The following TOX3 variants were observed in gnomAD, a reference collection of about 807,000 sequenced individuals.
TOX3 encodes the protein CAG trinucleotide repeat-containing gene F9 protein.
TOX3 carries 22 observed loss-of-function variants against 64.3 expected under a neutral mutation model. That is an observed-to-expected ratio of 0.34 (90% CI 0.24 to 0.49). The LOEUF (loss-of-function observed/expected upper bound fraction) is 0.49, where lower values mean the gene tolerates loss of function less well. TOX3 is among the 20% of genes least tolerant of loss of function. The pLI is 0.99. For missense variants in TOX3, 661 were observed against 714.4 expected (o/e 0.93, Z 0.85); for synonymous variants, 291 against 273.6 (o/e 1.06, Z -0.63).
At chr16:52,440,634 C>T (rs577076639) in intron 6 of TOX3, among the ~76,000 whole-genome samples, 109 of 152,222 alleles carry the variant, frequency 7.2e-4, no homozygotes, top group African/African-American at 2.6e-3. Flanking sequence ...TACAGGCTGC[C>T]TGAGTTCAAA....
At chr16:52,469,945 C>T (rs1015056318) in intron 1 of TOX3, among the ~76,000 whole-genome samples, 4 of 152,184 alleles carry the variant, frequency 2.6e-5, no homozygotes, top group African/African-American at 9.7e-5. Flanking sequence ...AGCCAACACA[C>T]CGAAATGCAC....
At chr16:52,537,878 TAA>T (rs57403617) in intron 1 of TOX3, among the ~76,000 whole-genome samples, 20,353 of 111,188 alleles carry the variant, frequency 0.18, 693 homozygotes, top group African/African-American at 0.22. Flanking sequence ...GCTGATATGA[TAA>T]AAAAAAAAAA....
In TOX3 at chr16:52,439,172, C is replaced by T. The variant is rs1596764435; in HGVS notation, c.*53G>A. On this transcript the variant is annotated 3_prime_UTR_variant, in exon 7 of 7. Coordinates refer to ENST00000219746, the MANE Select transcript of TOX3 (RefSeq NM_001080430.4). ...ACAGGTTTCAGCCACATATGCTTTT[C>T]CCTCCTATGCCACTCTCCTTGGTAT... 6.2e-7 allele frequency: 1 copy of T among 1,610,758 alleles called. No individual in the cohort carries two copies. Among genetic ancestry groups the T allele is most frequent in the East Asian group, 2.2e-5 (1 of 44,796 alleles).
chr16:52,546,844 C>A lies in TOX3; in HGVS notation c.-121G>T, dbSNP rs1963207633. On this transcript the variant is annotated 5_prime_UTR_variant, in exon 1 of 7. Transcript: ENST00000219746. ...CGGGGGTGGCGCGTGGGACTCGCGG[C>A]CGGAGGGGCGCCGGGACCCAGAGCC... 8.1e-7 allele frequency: 1 copy of A among 1,236,534 alleles called. No individual in the cohort carries two copies. The highest frequency in any genetic ancestry group is 3.1e-5 in the South Asian group (1 of 32,054). The allele number at this position is 1,236,534 out of a possible 1,614,324, so 76.6% of individuals were successfully genotyped here.
chr16:52,498,533 G>T (rs1436116288), intron 1 of TOX3, among the ~76,000 whole-genome samples: 1 of 152,050 alleles, frequency 6.6e-6, no homozygotes, highest in African/African-American at 2.4e-5. Context: ...TCTTCATTAG[G>T]CAGTCACTTG....
intron 1 of TOX3, among the ~76,000 whole-genome samples, chr16:52,496,216 G>A (rs1961846308): frequency 6.6e-6 from 1 of 152,148 alleles, no homozygotes; most frequent in Non-Finnish European, 1.5e-5. Context: ...GCAAACAAGA[G>A]CTTAACTTTA....
At chr16:52,441,336 T>C (rs1304806997) in intron 6 of TOX3, among the ~76,000 whole-genome samples, 1 of 152,208 alleles carries the variant, frequency 6.6e-6, no homozygotes, top group Non-Finnish European at 1.5e-5. Context: ...AATGTTTTAG[T>C]TCATCAACTA....
At chr16:52,525,713 A>G (rs1022318241) in intron 1 of TOX3, among the ~76,000 whole-genome samples, 2 of 152,278 alleles carry the variant, frequency 1.3e-5, no homozygotes, top group African/African-American at 4.8e-5. Flanking sequence ...ACACACGCAC[A>G]CCATTCCAAC....
intron 3 of TOX3, 133 bp from the exon 4 acceptor site, chr16:52,450,679 G>T (rs1960313064): frequency 1.8e-6 from 2 of 1,115,420 alleles, no homozygotes; most frequent in South Asian, 1.6e-5. Flanking sequence ...CAGGATGATG[G>T]TCTCCGTTCA....
intron 5 of TOX3, chr16:52,445,707 A>C: frequency 6.4e-6 from 2 of 311,312 alleles, no homozygotes; most frequent in South Asian, 1.2e-4. Flanking sequence ...ATTATTTAAA[A>C]TGAAAAGATT....
intron 1 of TOX3, among the ~76,000 whole-genome samples, chr16:52,491,800 G>A (rs1236368325): frequency 6.6e-6 from 1 of 152,184 alleles, no homozygotes; most frequent in Non-Finnish European, 1.5e-5. Flanking sequence ...TCCTTAGAGA[G>A]GGGAACTGAA....
intron 1 of TOX3, among the ~76,000 whole-genome samples, chr16:52,512,415 C>A (rs1183827149): frequency 6.6e-6 from 1 of 152,202 alleles, no homozygotes; most frequent in East Asian, 1.9e-4. Context: ...ATCCAACCAA[C>A]ATGAACCTCT....
rs1960296207 is a variant in TOX3 at position 52,450,342 on chromosome 16, T to C, written c.613A>G (p.Ser205Gly). Reference sequence around the variant, plus strand: ...GAAGGGGAGGGAGTGGCTGATTTGCTTGCTGGAGGTGAAGGAGATGTGTGA... The same window carrying C: ...GAAGGGGAGGGAGTGGCTGATTTGCCTGCTGGAGGTGAAGGAGATGTGTGA... ...MPHTSPSPPA[S>G]KSATPSPSSS... The change falls in exon 4 of 7, where the codon AGC becomes GGC. Residue 205 changes from serine (S) to glycine (G), a missense_variant. Around this residue, in one of 3 missense-constraint regions of TOX3, gnomAD observed 103 missense variants for 161.2 expected, o/e 0.64. Transcript: ENST00000219746. The C allele has an allele frequency of 1.9e-6, 3 of 1,613,868 alleles. No individual in the cohort carries two copies. Among genetic ancestry groups the C allele is most frequent in the Non-Finnish European group, 1.7e-6 (2 of 1,179,900 alleles).
At chr16:52,499,189 G>GA (rs1271405216) in intron 1 of TOX3, among the ~76,000 whole-genome samples, 13 of 152,166 alleles carry the variant, frequency 8.5e-5, no homozygotes, top group Non-Finnish European at 1.5e-4. Context: ...GATCACAGGG[G>GA]AAAAATTAGA....
chr16:52,459,932 G>T (rs1428503420), intron 3 of TOX3, among the ~76,000 whole-genome samples: 1 of 151,836 alleles, frequency 6.6e-6, no homozygotes, highest in African/African-American at 2.4e-5. Flanking sequence ...TCTAAAATAA[G>T]CCTGGTAATT....
intron 2 of TOX3, among the ~76,000 whole-genome samples, chr16:52,465,738 A>T (rs191570852): frequency 6.6e-6 from 1 of 152,070 alleles, no homozygotes; most frequent in Non-Finnish European, 1.5e-5. Flanking sequence ...GCAACAAAAA[A>T]CATTTCTTAC....
At chr16:52,503,033 G>A (rs1962046262) in intron 1 of TOX3, among the ~76,000 whole-genome samples, 1 of 152,184 alleles carries the variant, frequency 6.6e-6, no homozygotes, top group South Asian at 2.1e-4. Flanking sequence ...GAGTATGACT[G>A]TGTTCCAATA....
chr16:52,492,896 T>C (rs1961733976), intron 1 of TOX3, among the ~76,000 whole-genome samples: 1 of 134,708 alleles, frequency 7.4e-6, no homozygotes, highest in African/African-American at 2.7e-5. Flanking sequence ...AAAACCCAAC[T>C]GCAAAAAAAA....
At chr16:52,485,322 G>A (rs767348671) in intron 1 of TOX3, among the ~76,000 whole-genome samples, 6 of 149,108 alleles carry the variant, frequency 4.0e-5, no homozygotes, top group Non-Finnish European at 5.9e-5. Flanking sequence ...ATGAAATCAT[G>A]TTCTTTGCAG....
Sources: allele counts gnomAD v4.1 joint callset (sites outside exome capture counted in the v4.1 genomes callset), GRCh38; gene constraint gnomAD v4.1.1; regional missense constraint gnomAD v4.1.1; transcripts MANE v1.5; gene names NCBI Gene and HGNC (gene_info 2026-07-23, HGNC 2026-07-21).